The following POLR3A variants were observed in gnomAD, a reference collection of about 807,000 sequenced individuals.
The protein encoded by POLR3A is RNA polymerase III subunit A.
POLR3A carries 112 observed loss-of-function variants against 152.8 expected under a neutral mutation model. The ratio of observed to expected loss-of-function variants is 0.73; its 90% CI spans 0.63 to 0.86. The LOEUF is 0.86. Among genes scored for constraint, POLR3A ranks in the 40% least tolerant of loss-of-function variants. The pLI, the probability that POLR3A is intolerant of heterozygous loss-of-function variation, is 0.00. For missense variants in POLR3A, 1,385 were observed against 1,743.1 expected, an observed-to-expected ratio of 0.79 and a Z score of 3.66; for synonymous variants, 615 against 652.1, an observed-to-expected ratio of 0.94 and a Z score of 0.87.
chr10:78,022,510 A>G, intron 5 of POLR3A, 126 bp from the exon 6 acceptor site: 1 of 998,074 alleles, frequency 1.0e-6, no homozygotes, highest in Non-Finnish European at 1.5e-6. Flanking sequence ...AGAGATTTCT[A>G]TGGATGATAC....
chr10:78,028,961 T>C (rs1283630294), intron 1 of POLR3A, among the ~76,000 whole-genome samples: 1 of 152,142 alleles, frequency 6.6e-6, no homozygotes, highest in Non-Finnish European at 1.5e-5. Flanking sequence ...GGTAAGCAAC[T>C]ACTGCCTCCG....
chr10:78,007,271 A>G (rs956611805), intron 15 of POLR3A, among the ~76,000 whole-genome samples: 1 of 152,202 alleles, frequency 6.6e-6, no homozygotes, highest in Non-Finnish European at 1.5e-5. Context: ...CACTTGACTC[A>G]TGGCCCACTC....
chr10:77,980,442 G>T (rs1282234649), intron 29 of POLR3A, among the ~76,000 whole-genome samples, 169 bp from the exon 30 acceptor site: 1 of 152,166 alleles, frequency 6.6e-6, no homozygotes, highest in Non-Finnish European at 1.5e-5. Flanking sequence ...CATTGAGGTG[G>T]TCAATCGTCG....
At chr10:78,008,081 A>C (rs1298399156) in intron 14 of POLR3A, among the ~76,000 whole-genome samples, 1 of 152,150 alleles carries the variant, frequency 6.6e-6, no homozygotes, top group African/African-American at 2.4e-5. Context: ...GTTAGTGTGT[A>C]GTCCTAACCC....
intron 30 of POLR3A, among the ~76,000 whole-genome samples, chr10:77,978,655 T>G (rs920945826): frequency 6.0e-5 from 9 of 150,798 alleles, no homozygotes; most frequent in African/African-American, 2.2e-4. Flanking sequence ...TTTCCCTTCA[T>G]GCTAGTTTTT....
chr10:77,999,317 A>T (rs2131941557), intron 19 of POLR3A, among the ~76,000 whole-genome samples: 2 of 152,362 alleles, frequency 1.3e-5, no homozygotes, highest in South Asian at 4.1e-4. Flanking sequence ...AATTAAAAAA[A>T]TACAGTTAAA....
intron 26 of POLR3A, 66 bp from the exon 27 acceptor site, chr10:77,982,883 C>T: frequency 1.3e-6 from 2 of 1,507,370 alleles, no homozygotes; most frequent in Admixed American, 1.7e-5. Flanking sequence ...TCATTGTTGC[C>T]CCTCTAAGAA....
chr10:77,994,798 G>A (rs1847283138), intron 19 of POLR3A, among the ~76,000 whole-genome samples: 1 of 152,064 alleles, frequency 6.6e-6, no homozygotes, highest in Non-Finnish European at 1.5e-5. Context: ...TCAAATTCAG[G>A]AAATACAGAG....
chr10:78,009,398 T>G, intron 14 of POLR3A, 139 bp downstream of exon 14: 2 of 1,152,522 alleles, frequency 1.7e-6, no homozygotes, highest in South Asian at 2.5e-5. Flanking sequence ...TACATTTTCC[T>G]GAAGAAAAAA....
intron 17 of POLR3A, 132 bp downstream of exon 17, chr10:78,002,065 T>C: frequency 1.6e-6 from 1 of 620,350 alleles, no homozygotes; most frequent in Admixed American, 3.0e-5. Flanking sequence ...TAATTAAGTC[T>C]CTCTCTCTGA....
At chr10:78,005,243 T>G (rs1589311715) in intron 15 of POLR3A, among the ~76,000 whole-genome samples, 1 of 152,186 alleles carries the variant, frequency 6.6e-6, no homozygotes, top group East Asian at 1.9e-4. Flanking sequence ...ACGCCTATAA[T>G]CCCAGCACTT....
intron 19 of POLR3A, among the ~76,000 whole-genome samples, chr10:77,996,822 A>T (rs1461074958): frequency 6.6e-6 from 1 of 152,226 alleles, no homozygotes; most frequent in Non-Finnish European, 1.5e-5. Context: ...TGAGGCCAGC[A>T]TCATCCTGAT....
At chr10:77,990,747 G>A (rs1847239607) in intron 21 of POLR3A, among the ~76,000 whole-genome samples, 1 of 151,782 alleles carries the variant, frequency 6.6e-6, no homozygotes, top group African/African-American at 2.4e-5. Context: ...CTCCCGAGCT[G>A]GGATTACAGG....
intron 19 of POLR3A, 145 bp downstream of exon 19, chr10:77,999,836 C>T: frequency 1.3e-6 from 1 of 787,794 alleles, no homozygotes; most frequent in East Asian, 2.6e-5. Context: ...ATTTCCAGGG[C>T]ATCTACCTTT....
rs1266496652 is a variant in POLR3A at position 78,007,793 on chromosome 10, G to A, written c.1983C>T (p.Asn661=). Residue 661 remains asparagine (N), a synonymous_variant, in exon 15 of 31, where the codon AAC becomes AAT. Coordinates refer to ENST00000372371, the MANE Select transcript of POLR3A (RefSeq NM_007055.4). Reference sequence around the variant, plus strand: ...CTCGCAGCAAAATGTAAAAAATATTGTTCTTGGATCCTGACCCTAGGGTTC... The same window carrying A: ...CTCGCAGCAAAATGTAAAAAATATTATTCTTGGATCCTGACCCTAGGGTTC... ...DKGTLGSGSK[N]NIFYILLRDW... is the part of the protein sequence containing the mutation. The A allele has an allele frequency of 2.5e-6, 4 of 1,613,874 alleles. No individual in the cohort carries two copies. The highest frequency in any genetic ancestry group is 2.2e-5 in the East Asian group (1 of 44,874).
At chr10:77,999,799 A>C (rs940858692) in intron 19 of POLR3A, among the ~76,000 whole-genome samples, 182 bp downstream of exon 19, 1 of 152,150 alleles carries the variant, frequency 6.6e-6, no homozygotes, top group Admixed American at 6.6e-5. Flanking sequence ...GATGATTCGG[A>C]ACATACTACA....
intron 19 of POLR3A, among the ~76,000 whole-genome samples, chr10:77,994,944 C>A (rs1382458148): frequency 6.6e-6 from 1 of 152,208 alleles, no homozygotes; most frequent in African/African-American, 2.4e-5. Flanking sequence ...GGAAGCCCAT[C>A]AGACTAACAG....
At chr10:77,985,492 G>T in intron 23 of POLR3A, 152 bp from the exon 24 acceptor site, 1 of 689,168 alleles carries the variant, frequency 1.5e-6, no homozygotes, top group Non-Finnish European at 2.6e-6. Flanking sequence ...AAAAAGCCTG[G>T]CATAGACCAG....
intron 10 of POLR3A, among the ~76,000 whole-genome samples, chr10:78,015,458 G>A (rs1038380601): frequency 1.3e-5 from 2 of 151,594 alleles, no homozygotes; most frequent in African/African-American, 4.9e-5. Context: ...CTCCCAAGTA[G>A]CTGGGATTAC....
Sources: gnomAD v4.1 joint callset for allele counts (sites outside exome capture counted in the v4.1 genomes callset) on GRCh38, gnomAD v4.1.1 for gene constraint, MANE v1.5 for transcripts, NCBI Gene and HGNC (gene_info 2026-07-23, HGNC 2026-07-21) for gene names.